Variants in DOCK3 observed in about 807,000 individuals in gnomAD.
DOCK3 encodes the protein dedicator of cytokinesis protein 3.
Under a neutral mutation model 265.6 loss-of-function variants are expected in DOCK3, and 60 were observed. The observed-to-expected ratio is 0.23, with a 90% CI of 0.18 to 0.28. The LOEUF (loss-of-function observed/expected upper bound fraction) is 0.28. DOCK3 is among the 10% of genes least tolerant of loss of function. The pLI is 1.00. For missense variants in DOCK3, 1,981 were observed against 2,594.3 expected (o/e 0.76, Z 5.14); for synonymous variants, 881 against 938.0 (o/e 0.94, Z 1.11).
intron 5 of DOCK3, among the ~76,000 whole-genome samples, chr3:51,027,568 G>A (rs2108924712): frequency 6.6e-6 from 1 of 152,228 alleles, no homozygotes; most frequent in South Asian, 2.1e-4. Flanking sequence ...TTGTGTGGCT[G>A]TGTGGCTGTT....
rs2083935114 is a variant in DOCK3 at position 51,324,235 on chromosome 3, T to TA, written c.3403-5897dup. 2.0e-5 allele frequency among the ~76,000 whole-genome samples: 3 copies of TA among 152,138 alleles called. No homozygotes were observed. In the South Asian group the frequency reaches 6.2e-4, roughly 31 times the overall value. Reference sequence around the variant, plus strand: ...AAGCAACTTCAGCAAAGTCTCAAGATAAAAAATCAATGTGCAAAAATCACA... The same window carrying TA: ...AAGCAACTTCAGCAAAGTCTCAAGATAAAAAAATCAATGTGCAAAAATCACA... On this transcript the variant is annotated intron_variant, in intron 32 of 52. Coordinates refer to ENST00000266037, the MANE Select transcript of DOCK3 (RefSeq NM_004947.5).
chr3:50,677,297 T>C (rs577306756), intron 1 of DOCK3, among the ~76,000 whole-genome samples: 31 of 152,360 alleles, frequency 2.0e-4, no homozygotes, highest in Admixed American at 7.8e-4. Flanking sequence ...TCTAAAAGTT[T>C]TTGTGTAAAT....
intron 12 of DOCK3, among the ~76,000 whole-genome samples, chr3:51,184,672 A>C (rs1255291640): frequency 4.6e-5 from 7 of 152,220 alleles, no homozygotes; most frequent in Admixed American, 4.6e-4. Context: ...ATGTAGAAGA[A>C]TTTCAAGTAA....
intron 4 of DOCK3, among the ~76,000 whole-genome samples, chr3:50,908,656 G>T (rs937452163): frequency 6.6e-6 from 1 of 152,114 alleles, no homozygotes; most frequent in Admixed American, 6.6e-5. Context: ...CTATTTTAGA[G>T]TAAGTGCCAT....
At position 51,228,924 on chromosome 3, in the gene DOCK3, T is replaced by A. The variant is rs574356134; in HGVS notation, c.1819+92T>A. On this transcript the variant is annotated intron_variant, in intron 18 of 52. Transcript: ENST00000266037. ...GCATGTGAAGGGAGAGATAAATTATTCCTTCTTGATGCCATAATAATGGGC... is the reference window on the plus strand; with the variant it reads ...GCATGTGAAGGGAGAGATAAATTATACCTTCTTGATGCCATAATAATGGGC... The A allele has an allele frequency of 7.9e-6, 11 of 1,399,316 alleles. No individual in the cohort carries two copies. The South Asian group carries it at 1.3e-4, about 17-fold the overall frequency. The allele number at this position is 1,399,316 out of a possible 1,614,324, so 86.7% of individuals were successfully genotyped here.
At chr3:50,953,241 A>G (rs889248750) in intron 5 of DOCK3, among the ~76,000 whole-genome samples, 3 of 152,164 alleles carry the variant, frequency 2.0e-5, no homozygotes, top group East Asian at 3.8e-4. Flanking sequence ...ATTTCTTCCT[A>G]TTTAGAAAAT....
At chr3:50,986,270 G>C (rs998132252) in intron 5 of DOCK3, among the ~76,000 whole-genome samples, 3 of 152,184 alleles carry the variant, frequency 2.0e-5, no homozygotes, top group Admixed American at 6.5e-5. Context: ...CAAGTATATA[G>C]TTACAATCTA....
chr3:51,141,562 G>A (rs2085070813), intron 9 of DOCK3, among the ~76,000 whole-genome samples: 1 of 152,062 alleles, frequency 6.6e-6, no homozygotes, highest in Non-Finnish European at 1.5e-5. Context: ...TCCCAACACT[G>A]TTTGTTGAAA....
chr3:50,705,032 ATT>A (rs34158054), intron 1 of DOCK3, among the ~76,000 whole-genome samples: 23 of 136,616 alleles, frequency 1.7e-4, no homozygotes, highest in African/African-American at 6.0e-4. Flanking sequence ...TTGTTTTCTG[ATT>A]TTTTTTTTTT....
chr3:51,196,100 T>C (rs1001816891), intron 12 of DOCK3, among the ~76,000 whole-genome samples: 1 of 38,428 alleles, frequency 2.6e-5, no homozygotes, highest in African/African-American at 1.5e-4. Context: ...CACGCCCAGC[T>C]AATTTTTTTT....
intron 3 of DOCK3, among the ~76,000 whole-genome samples, chr3:50,846,929 G>A (rs923431768): frequency 1.3e-5 from 2 of 151,922 alleles, no homozygotes; most frequent in African/African-American, 2.4e-5. Flanking sequence ...AATCTACCTA[G>A]CAGTCCATCA....
intron 4 of DOCK3, among the ~76,000 whole-genome samples, chr3:50,890,739 A>G (rs1048440417): frequency 3.3e-5 from 5 of 152,122 alleles, no homozygotes; most frequent in African/African-American, 4.8e-5. Context: ...TTCCTAAAGT[A>G]GAAATACTAT....
At chr3:51,099,681 T>C (rs553289297) in intron 9 of DOCK3, among the ~76,000 whole-genome samples, 5 of 152,244 alleles carry the variant, frequency 3.3e-5, no homozygotes, top group East Asian at 1.9e-4. Context: ...TGTGCTGTTA[T>C]AGGCTCTAGT....
chr3:50,975,558 G>T (rs2077414831), intron 5 of DOCK3, among the ~76,000 whole-genome samples: 1 of 151,282 alleles, frequency 6.6e-6, no homozygotes, highest in East Asian at 1.9e-4. Context: ...TTTTATTGAG[G>T]ATTTTTGCAT....
In DOCK3 at chr3:51,080,902, A is replaced by AT. The variant is rs759775181; in HGVS notation, c.549+5477dup. Among the ~76,000 whole-genome samples, 360 of 140,962 alleles carry AT rather than the reference A, an allele frequency of 2.6e-3. 1 individual carries two copies. The highest frequency in any genetic ancestry group is 0.016 in the East Asian group (77 of 4,890). 92.5% of individuals were successfully genotyped at this position (140,962 alleles called of 152,430 possible). On this transcript the variant is annotated intron_variant, in intron 7 of 52. Coordinates refer to ENST00000266037, the MANE Select transcript of DOCK3 (RefSeq NM_004947.5). ...ACCTGATTTGTTTTTGAATGCTTGAATTTTTTTTTTTTTTTACTTTTTTGA... is the reference window on the plus strand; with the variant it reads ...ACCTGATTTGTTTTTGAATGCTTGAATTTTTTTTTTTTTTTTACTTTTTTGA...
chr3:50,991,717 A>T (rs1575697678), intron 5 of DOCK3, among the ~76,000 whole-genome samples: 1 of 151,934 alleles, frequency 6.6e-6, no homozygotes, highest in South Asian at 2.1e-4. Context: ...CAAGACCTAA[A>T]CTCTACATTG....
intron 5 of DOCK3, among the ~76,000 whole-genome samples, chr3:51,023,159 C>T (rs1246454829): frequency 6.6e-6 from 1 of 152,028 alleles, no homozygotes; most frequent in African/African-American, 2.4e-5. Context: ...GACTTTTATA[C>T]TTCTCTTCTC....
At chr3:51,200,641 G>A (rs562128063) in intron 12 of DOCK3, among the ~76,000 whole-genome samples, 20 of 151,938 alleles carry the variant, frequency 1.3e-4, no homozygotes, top group Middle Eastern at 6.8e-3. Context: ...AGCAAGGCAG[G>A]CCAACATTCA....
rs375296774 is a variant in DOCK3 at position 51,275,101 on chromosome 3, T to C, written c.2571T>C (p.Pro857=). 3 of 1,614,002 alleles carry C rather than the reference T, an allele frequency of 1.9e-6. No homozygotes were observed. The highest frequency in any genetic ancestry group is 2.2e-5 in the South Asian group (2 of 91,086). Residue 857 remains proline, a synonymous_variant, in exon 25 of 53, where the codon CCT becomes CCC. Transcript: ENST00000266037. ...SFSESRRILL[P]VVLHHIHLHL... is the part of the protein sequence containing the mutation. ...CAGAATCCCGCCGCATCCTGCTTCC[T>C]GTGGTTCTCCATCACATTCACCTTC...
Sources: allele counts gnomAD v4.1 joint callset (sites outside exome capture counted in the v4.1 genomes callset), GRCh38; gene constraint gnomAD v4.1.1; transcripts MANE v1.5; gene names NCBI Gene and HGNC (gene_info 2026-07-23, HGNC 2026-07-21).